Variants in VCAN observed in about 807,000 individuals in gnomAD.
The protein encoded by VCAN is versican core protein.
Under a neutral mutation model 245.5 loss-of-function variants are expected in VCAN, and 44 were observed. The observed-to-expected ratio is 0.18, with a 90% CI of 0.14 to 0.23. The LOEUF (loss-of-function observed/expected upper bound fraction) is 0.23. Ranked by LOEUF, VCAN falls within the 10% of genes least tolerant of loss-of-function variation. VCAN has a pLI of 1.00. For missense variants in VCAN, 3,793 were observed against 4,057.9 expected (o/e 0.93, Z 1.77); for synonymous variants, 1,413 against 1,437.0 (o/e 0.98, Z 0.38).
At chr5:83,479,051 C>T (rs1744521446) in intron 1 of VCAN, among the ~76,000 whole-genome samples, 2 of 152,100 alleles carry the variant, frequency 1.3e-5, no homozygotes, top group Admixed American at 6.5e-5. Flanking sequence ...TCACATGATG[C>T]TATTACTTGT....
In VCAN at chr5:83,520,883, T is replaced by G; in HGVS notation, c.2577T>G (p.Asp859Glu). 1 of 1,614,152 alleles carries G rather than the reference T, an allele frequency of 6.2e-7. No homozygotes were observed. The highest frequency in any genetic ancestry group is 8.5e-7 in the Non-Finnish European group (1 of 1,180,002). ...CAGATGAATTTACTCTTATTCCAGA[T>G]AGTACTCAAAAGCAGTTAGAGGAGG... ...DGADEFTLIP[D>E]STQKQLEEVT... The change falls in exon 7 of 15, where the codon GAT becomes GAG. Residue 859 changes from aspartate (D) to glutamate (E), a missense_variant. By Grantham distance (45) the Asp-to-Glu change is conservative. Transcript: ENST00000265077.
intron 13 of VCAN, among the ~76,000 whole-genome samples, chr5:83,573,914 T>C (rs999315166): frequency 2.0e-5 from 3 of 152,220 alleles, no homozygotes; most frequent in Non-Finnish European, 1.5e-5. Flanking sequence ...CTTTCATAAA[T>C]GGAGATGTAT....
Position 83,581,703 on chromosome 5 carries a change from G to T in VCAN, c.*1269G>T, listed in dbSNP as rs1748683615. 6.6e-6 allele frequency: 1 copy of T among 152,072 alleles called. No homozygotes were observed. 9.4% of individuals were successfully genotyped at this position (152,072 alleles called of 1,614,324 possible). On this transcript the variant is annotated 3_prime_UTR_variant, in exon 15 of 15. Coordinates refer to ENST00000265077, the MANE Select transcript of VCAN (RefSeq NM_004385.5). Reference sequence around the variant, plus strand: ...TGAGCGAATATATAGAAATAGTGTGGGCATTTCTTCCTGTTAGGTGGAGTG... The same window carrying T: ...TGAGCGAATATATAGAAATAGTGTGTGCATTTCTTCCTGTTAGGTGGAGTG...
chr5:83,550,927 T>A (rs1747437811), intron 10 of VCAN, among the ~76,000 whole-genome samples: 1 of 131,238 alleles, frequency 7.6e-6, no homozygotes, highest in Non-Finnish European at 1.7e-5. Flanking sequence ...ATGTGGATAG[T>A]TGGCTTTGTT....
Position 83,522,117 on chromosome 5 carries a change from A to G in VCAN, c.3811A>G (p.Thr1271Ala), listed in dbSNP as rs766266850. The change falls in exon 7 of 15, where the codon ACA becomes GCA. Residue 1271 changes from threonine to alanine, a missense_variant. Thr to Ala is a moderately conservative substitution (Grantham distance 58, BLOSUM62 0). Around this residue, in one of 5 missense-constraint regions of VCAN, gnomAD observed 3,182 missense variants for 3,250.3 expected, o/e 0.98. Coordinates refer to ENST00000265077, the MANE Select transcript of VCAN (RefSeq NM_004385.5). ...CCTTGAAGATATTGTAGCCAAGGAA[A>G]CAGAAACCGATATTGATAGAGAGTA... ...TTLEDIVAKE[T>A]ETDIDREYFT... The G allele has an allele frequency of 4.3e-6, 7 of 1,613,978 alleles. No individual in the cohort carries two copies. In the Admixed American group the frequency reaches 1.2e-4, roughly 27 times the overall value.
At chr5:83,480,593 A>G (rs1195743415) in intron 1 of VCAN, among the ~76,000 whole-genome samples, 1 of 152,242 alleles carries the variant, frequency 6.6e-6, no homozygotes, top group African/African-American at 2.4e-5. Context: ...ACATTCCTCA[A>G]GGATATACCC....
chr5:83,555,102 TGTGCATTACAGAGG>T, intron 12 of VCAN, 64 bp downstream of exon 12: 2 of 1,503,850 alleles, frequency 1.3e-6, no homozygotes, highest in South Asian at 1.1e-5. Flanking sequence ...GTGCACTGAT[TGTGCATTACAGAGG>T]GTGCATTAGA....
intron 3 of VCAN, among the ~76,000 whole-genome samples, chr5:83,490,686 T>C (rs1580603197): frequency 6.6e-6 from 1 of 152,160 alleles, no homozygotes; most frequent in Admixed American, 6.5e-5. Context: ...ATTGATTCCA[T>C]GAAGGAAAGT....
intron 5 of VCAN, among the ~76,000 whole-genome samples, chr5:83,508,685 C>T (rs191056002): frequency 2.6e-5 from 4 of 152,294 alleles, no homozygotes; most frequent in African/African-American, 7.2e-5. Flanking sequence ...ACTGACTGCA[C>T]GTTATCTTAA....
At chr5:83,513,312 C>T (rs1043722077) in intron 6 of VCAN, among the ~76,000 whole-genome samples, 2 of 152,152 alleles carry the variant, frequency 1.3e-5, no homozygotes, top group Non-Finnish European at 2.9e-5. Flanking sequence ...TTGTAAACAA[C>T]TTTGACTAAA....
chr5:83,486,253 A>G (rs1035909655), intron 2 of VCAN, among the ~76,000 whole-genome samples: 1 of 152,226 alleles, frequency 6.6e-6, no homozygotes, highest in Non-Finnish European at 1.5e-5. Flanking sequence ...TTTCTTCCCA[A>G]GTAGGCTACT....
At chr5:83,534,353 G>T (rs16900520) in intron 7 of VCAN, among the ~76,000 whole-genome samples, 1 of 151,866 alleles carries the variant, frequency 6.6e-6, no homozygotes. Context: ...ATTTATCCTT[G>T]TGTTTTGCTG....
chr5:83,478,476 C>G (rs995828723), intron 1 of VCAN, among the ~76,000 whole-genome samples: 1 of 152,106 alleles, frequency 6.6e-6, no homozygotes, highest in African/African-American at 2.4e-5. Flanking sequence ...GTACCAATAT[C>G]ACCCAAGACA....
intron 12 of VCAN, among the ~76,000 whole-genome samples, chr5:83,571,189 A>G (rs796223323): frequency 1.1e-4 from 16 of 152,326 alleles, no homozygotes; most frequent in African/African-American, 3.8e-4. Flanking sequence ...AACTTGTCTC[A>G]TACCACATTC....
At chr5:83,559,665 T>G (rs911170951) in intron 12 of VCAN, among the ~76,000 whole-genome samples, 1 of 152,154 alleles carries the variant, frequency 6.6e-6, no homozygotes, top group Non-Finnish European at 1.5e-5. Flanking sequence ...CTCCCACATC[T>G]TTTTTGTCCT....
At chr5:83,535,146 G>GTTATGTA (rs1385479373) in intron 7 of VCAN, among the ~76,000 whole-genome samples, 1 of 152,034 alleles carries the variant, frequency 6.6e-6, no homozygotes, top group Non-Finnish European at 1.5e-5. Context: ...ACACACTAGA[G>GTTATGTA]TTATGTATTT....
At chr5:83,522,777 C>G (rs1035439280) in intron 7 of VCAN, among the ~76,000 whole-genome samples, 3 of 152,154 alleles carry the variant, frequency 2.0e-5, no homozygotes, top group African/African-American at 7.2e-5. Flanking sequence ...TGGTTTTTCT[C>G]TTCCAGGATT....
chr5:83,562,661 CAA>C (rs4033003), intron 12 of VCAN, among the ~76,000 whole-genome samples: 34,384 of 149,394 alleles, frequency 0.23, 4,265 homozygotes, highest in Admixed American at 0.33. Context: ...TGGAAAAGGC[CAA>C]AAAAAAAAAA....
chr5:83,565,152 A>G (rs915052906), intron 12 of VCAN, among the ~76,000 whole-genome samples: 4 of 152,292 alleles, frequency 2.6e-5, no homozygotes, highest in African/African-American at 9.6e-5. Flanking sequence ...TTTGAACTGT[A>G]CCCAATGACT....
Sources: gnomAD v4.1 joint callset for allele counts (sites outside exome capture counted in the v4.1 genomes callset) on GRCh38, gnomAD v4.1.1 for gene constraint, gnomAD v4.1.1 regional missense constraint, MANE v1.5 for transcripts, NCBI Gene and HGNC (gene_info 2026-07-23, HGNC 2026-07-21) for gene names.